ST3GAL1: variants seen among roughly 807,000 people sequenced by gnomAD.
The protein encoded by ST3GAL1 is ST3 beta-galactoside alpha-2,3-sialyltransferase 1.
A neutral mutation model predicts 34.1 loss-of-function variants in ST3GAL1; 16 were observed. The observed-to-expected ratio is 0.47, with a 90% CI of 0.32 to 0.71. The LOEUF (loss-of-function observed/expected upper bound fraction) is 0.71, where lower values mean the gene tolerates loss of function less well. Among genes scored for constraint, ST3GAL1 ranks in the 30% least tolerant of loss-of-function variants. The pLI is 0.04. For synonymous variants in ST3GAL1, 191 were observed against 184.7 expected (o/e 1.03, Z -0.28); for missense variants, 353 against 447.4 (o/e 0.79, Z 1.90).
chr8:133,502,694 A>T (rs1489732121), intron 2 of ST3GAL1, among the ~76,000 whole-genome samples: 1 of 152,216 alleles, frequency 6.6e-6, no homozygotes, highest in Non-Finnish European at 1.5e-5. Context: ...CCCATTTTGC[A>T]GTTGAGGAAG....
At chr8:133,504,851 GGAGT>G (rs891996937) in intron 2 of ST3GAL1, among the ~76,000 whole-genome samples, 7 of 152,174 alleles carry the variant, frequency 4.6e-5, no homozygotes, top group African/African-American at 1.4e-4. Context: ...GTTTTGAAAA[GGAGT>G]GAGGAGGACA....
chr8:133,462,180 G>C (rs1815538856), intron 8 of ST3GAL1, among the ~76,000 whole-genome samples, 186 bp from the exon 9 acceptor site: 5 of 152,202 alleles, frequency 3.3e-5, no homozygotes. Context: ...AAGAGACAGA[G>C]GTGCTGAGCT....
At position 133,469,409 on chromosome 8, in the gene ST3GAL1, C is replaced by T. The variant is rs1044373057; in HGVS notation, c.307-3319G>A. The stretch of plus-strand genomic sequence containing the variant: ...AATTTTTGTATTTTTAGTAGAAACA[C>T]GGTTTCACCATGTTGGCCAGGCTGG... On this transcript the variant is annotated intron_variant, in intron 5 of 9. Transcript: ENST00000522652. This position sits in a 1 kb window ranked among gnomAD's most constrained non-coding sequence, Gnocchi z 4.3. Among the ~76,000 whole-genome samples the T allele has an allele frequency of 1.2e-4, 18 of 151,948 alleles. No homozygotes were observed. The highest frequency in any genetic ancestry group is 9.8e-4 in the Admixed American group (15 of 15,250).
intron 1 of ST3GAL1, among the ~76,000 whole-genome samples, chr8:133,560,896 C>G (rs1195886226): frequency 6.6e-6 from 1 of 152,142 alleles, no homozygotes; most frequent in African/African-American, 2.4e-5. Context: ...TGGAAACATA[C>G]ACTTTACAGA....
At chr8:133,531,781 C>T (rs374381409) in intron 2 of ST3GAL1, among the ~76,000 whole-genome samples, 35 of 134,622 alleles carry the variant, frequency 2.6e-4, no homozygotes, top group African/African-American at 8.1e-4. Flanking sequence ...CACACCCACA[C>T]GTTCTGCACT....
At position 133,466,332 on chromosome 8, in the gene ST3GAL1, C is replaced by T. The variant is rs1165075916; in HGVS notation, c.307-242G>A. On this transcript the variant is annotated intron_variant, in intron 5 of 9. Transcript: ENST00000522652. This position sits in a 1 kb window ranked among gnomAD's most constrained non-coding sequence, Gnocchi z 4.4. ...TATTCTGCAAGTGTTTACTGAGCACCTACCATGTGCCAGGCACTGCTGAAG... is the reference window on the plus strand; with the variant it reads ...TATTCTGCAAGTGTTTACTGAGCACTTACCATGTGCCAGGCACTGCTGAAG... Among the ~76,000 whole-genome samples the T allele has an allele frequency of 6.6e-6, 1 of 152,192 alleles. No homozygotes were observed. Among genetic ancestry groups the T allele is most frequent in the East Asian group, 1.9e-4 (1 of 5,186 alleles).
chr8:133,559,332 A>C (rs1394135853), intron 1 of ST3GAL1, among the ~76,000 whole-genome samples: 2 of 152,192 alleles, frequency 1.3e-5, no homozygotes, highest in Non-Finnish European at 2.9e-5. Context: ...TCCAGGTCGC[A>C]GGGAGAAACA....
rs200251046 is a variant in ST3GAL1, at chr8:133,475,896, G to A, written c.129C>T (p.Val43=). ...TCTTCAGGTTCTCGGAGAGCTCCAGGACCATCTGCTTGGGGAACCAGGTGG... is the reference window on the plus strand; with the variant it reads ...TCTTCAGGTTCTCGGAGAGCTCCAGAACCATCTGCTTGGGGAACCAGGTGG... ...VATTWFPKQM[V]LELSENLKRL... The change falls in exon 5 of 10, where the codon GTC becomes GTT. Residue 43 remains valine (V), a synonymous_variant. Coordinates refer to ENST00000522652, the MANE Select transcript of ST3GAL1 (RefSeq NM_173344.3). 27 of 1,613,994 alleles carry A rather than the reference G, an allele frequency of 1.7e-5. No homozygotes were observed. Among genetic ancestry groups the A allele is most frequent in the Admixed American group, 3.3e-5 (2 of 60,006 alleles).
intron 5 of ST3GAL1, among the ~76,000 whole-genome samples, chr8:133,470,543 C>T (rs763677051): frequency 2.6e-5 from 4 of 152,200 alleles, no homozygotes; most frequent in Non-Finnish European, 1.5e-5. Context: ...AGCGCTCAAT[C>T]TGCATACAAT....
At chr8:133,485,064 G>C (rs1249070493) in intron 3 of ST3GAL1, among the ~76,000 whole-genome samples, 1 of 152,198 alleles carries the variant, frequency 6.6e-6, no homozygotes, top group Non-Finnish European at 1.5e-5. Context: ...GCCTGCATTC[G>C]AGGGTTCTCA....
chr8:133,541,114 T>TAGAGAGAGAG (rs1299790632), intron 2 of ST3GAL1, among the ~76,000 whole-genome samples: 629 of 43,972 alleles, frequency 0.014, 60 homozygotes, highest in South Asian at 0.039. Flanking sequence ...TATATATATA[T>TAGAGAGAGAG]ATATATAGAG....
At chr8:133,548,563 C>T (rs1259842528) in intron 1 of ST3GAL1, among the ~76,000 whole-genome samples, 1 of 152,234 alleles carries the variant, frequency 6.6e-6, no homozygotes, top group African/African-American at 2.4e-5. Context: ...AAGGCCTATT[C>T]CTATTTCTTG....
At chr8:133,558,229 G>GT in intron 1 of ST3GAL1, among the ~76,000 whole-genome samples, 1 of 152,360 alleles carries the variant, frequency 6.6e-6, no homozygotes, top group Non-Finnish European at 1.5e-5. Context: ...GAACAAGAAT[G>GT]TAATTGATGA....
At position 133,482,744 on chromosome 8, in the gene ST3GAL1, G is replaced by A. The variant is rs1365250380; in HGVS notation, c.-373-6144C>T. ...CACAGGGTGGGACCAAGTAAGACCTGACCAGTAAATCTTGGATACTTAATG... is the reference window on the plus strand; with the variant it reads ...CACAGGGTGGGACCAAGTAAGACCTAACCAGTAAATCTTGGATACTTAATG... On this transcript the variant is annotated intron_variant, in intron 3 of 9. Coordinates refer to ENST00000522652, the MANE Select transcript of ST3GAL1 (RefSeq NM_173344.3). Among the ~76,000 whole-genome samples the A allele has an allele frequency of 5.3e-5, 8 of 152,218 alleles. No individual in the cohort carries two copies. In the East Asian group the frequency reaches 1.5e-3, roughly 29 times the overall value.
At chr8:133,463,354 A>C in intron 8 of ST3GAL1, 60 bp downstream of exon 8, 1 of 1,595,152 alleles carries the variant, frequency 6.3e-7, no homozygotes, top group South Asian at 1.1e-5. Context: ...CGTACCTTAG[A>C]GCAGAGCCTT....
At chr8:133,551,602 G>GAA in intron 1 of ST3GAL1, among the ~76,000 whole-genome samples, 1 of 150,538 alleles carries the variant, frequency 6.6e-6, no homozygotes, top group Middle Eastern at 3.6e-3. Flanking sequence ...AAGAAAGAAA[G>GAA]AAAGAAAGAA....
intron 1 of ST3GAL1, among the ~76,000 whole-genome samples, chr8:133,563,997 G>C (rs923846851): frequency 6.6e-6 from 1 of 152,164 alleles, no homozygotes; most frequent in Non-Finnish European, 1.5e-5. Flanking sequence ...TATTCTGCAC[G>C]TCACTTTCAG....
At chr8:133,559,565 C>T (rs916914021) in intron 1 of ST3GAL1, among the ~76,000 whole-genome samples, 1 of 152,166 alleles carries the variant, frequency 6.6e-6, no homozygotes, top group Admixed American at 6.5e-5. Context: ...AAAGACATTC[C>T]TATTCGTGGC....
chr8:133,529,552 G>A (rs1818083928), intron 2 of ST3GAL1, among the ~76,000 whole-genome samples: 1 of 152,176 alleles, frequency 6.6e-6, no homozygotes. Context: ...CCCAGAGGAG[G>A]GGCTCCGGGC....
Sources: gnomAD v4.1 joint callset for allele counts (sites outside exome capture counted in the v4.1 genomes callset) on GRCh38, gnomAD v4.1.1 for gene constraint, Gnocchi (gnomAD v3.1) non-coding constraint, MANE v1.5 for transcripts, NCBI Gene and HGNC (gene_info 2026-07-23, HGNC 2026-07-21) for gene names.